Variants in AP2A2 observed in about 807,000 individuals in gnomAD.
AP2A2 encodes the protein adaptor related protein complex 2 subunit alpha 2, also known as AP-2 complex subunit alpha-2.
Under a neutral mutation model 104.2 loss-of-function variants are expected in AP2A2, and 32 were observed. The ratio of observed to expected loss-of-function variants is 0.31; its 90% CI spans 0.23 to 0.41. The LOEUF (loss-of-function observed/expected upper bound fraction) is 0.41. Ranked by LOEUF, AP2A2 falls within the 10% of genes least tolerant of loss-of-function variation. The pLI, the probability that AP2A2 is intolerant of heterozygous loss-of-function variation, is 1.00. For synonymous variants in AP2A2, 539 were observed against 533.3 expected (o/e 1.01, Z -0.15); for missense variants, 912 against 1,261.0 (o/e 0.72, Z 4.19).
At position 970,275 on chromosome 11, in the gene AP2A2, C is replaced by T. The variant is rs1461757343; in HGVS notation, c.243C>T (p.Asn81=). 6.2e-7 allele frequency: 1 copy of T among 1,613,842 alleles called. No homozygotes were observed. The highest frequency in any genetic ancestry group is 8.5e-7 in the Non-Finnish European group (1 of 1,179,852). Residue 81 remains asparagine, a synonymous_variant, in exon 3 of 22, where the codon AAC becomes AAT. Transcript: ENST00000448903. ...DIDFGHMEAV[N]LLSSNRYTEK... ...ACTTTGGACACATGGAGGCTGTGAA[C>T]CTGCTGAGTTCAAACAGATACACGG... is the stretch of plus-strand genomic sequence containing the variant.
intron 1 of AP2A2, among the ~76,000 whole-genome samples, chr11:958,703 T>C (rs1854321480): frequency 6.6e-6 from 1 of 152,122 alleles, no homozygotes; most frequent in Non-Finnish European, 1.5e-5. Context: ...GGACTTCTCT[T>C]GTAGGAGTGC....
intron 6 of AP2A2, among the ~76,000 whole-genome samples, chr11:983,526 G>A (rs891319232): frequency 2.0e-5 from 3 of 151,974 alleles, no homozygotes; most frequent in Non-Finnish European, 2.9e-5. Flanking sequence ...GGGACTACAG[G>A]CGCCCGCCAC....
Position 993,473 on chromosome 11 carries a change from G to A in AP2A2, c.1550+92G>A, listed in dbSNP as rs1160821897. ...AGGCGAGGCACCAGCTGGCCCTGCC[G>A]TGAGGCCTCGCAGAGCCGCTTCTGC... On this transcript the variant is annotated intron_variant, in intron 12 of 21. Transcript: ENST00000448903. The surrounding 1 kb of genome is among the most constrained non-coding windows in gnomAD (Gnocchi z 8.2). 1.1e-5 allele frequency: 11 copies of A among 1,010,568 alleles called. No individual in the cohort carries two copies. Among genetic ancestry groups the A allele is most frequent in the South Asian group, 1.7e-5 (1 of 58,908 alleles). The allele number at this position is 1,010,568 out of a possible 1,614,324, so 62.6% of individuals were successfully genotyped here.
intron 1 of AP2A2, among the ~76,000 whole-genome samples, chr11:944,526 A>C (rs1332158140): frequency 6.6e-6 from 1 of 152,204 alleles, no homozygotes; most frequent in Non-Finnish European, 1.5e-5. Flanking sequence ...GAGAAATATC[A>C]TTCTAGTGGA....
chr11:960,954 C>T (rs931059075), intron 2 of AP2A2, among the ~76,000 whole-genome samples: 8 of 152,260 alleles, frequency 5.3e-5, no homozygotes, highest in East Asian at 1.9e-4. Flanking sequence ...CCTCTGCGCC[C>T]GGTGTGCACC....
chr11:951,222 T>C (rs1275974452), intron 1 of AP2A2, among the ~76,000 whole-genome samples: 1 of 152,038 alleles, frequency 6.6e-6, no homozygotes, highest in Non-Finnish European at 1.5e-5. Flanking sequence ...GCATCACACT[T>C]ACCCAGATGG....
In AP2A2 at chr11:964,545, G is replaced by C. The variant is rs898792531; in HGVS notation, c.136+5040G>C. ...GGAATTAATTTGGGGCCCTGTTCCT[G>C]AATTGGTAGGCAGCCTGCATGTAAG... On this transcript the variant is annotated intron_variant, in intron 2 of 21. Coordinates refer to ENST00000448903, the MANE Select transcript of AP2A2 (RefSeq NM_012305.4). Among the ~76,000 whole-genome samples, 11 of 152,322 alleles carry C rather than the reference G, an allele frequency of 7.2e-5. No individual in the cohort carries two copies. The East Asian group carries it at 1.7e-3, about 24-fold the overall frequency.
At chr11:959,072 C>T (rs549164278) in intron 1 of AP2A2, among the ~76,000 whole-genome samples, 9 of 152,316 alleles carry the variant, frequency 5.9e-5, no homozygotes, top group South Asian at 4.1e-4. Flanking sequence ...TAGCGGATGA[C>T]GATTTATCAT....
In AP2A2 at chr11:1,010,870, A is replaced by G; in HGVS notation, c.*245A>G. 2 of 631,486 alleles carry G rather than the reference A, an allele frequency of 3.2e-6. No individual in the cohort carries two copies. The highest frequency in any genetic ancestry group is 3.7e-5 in the South Asian group (2 of 53,786). 39.1% of individuals were successfully genotyped at this position (631,486 alleles called of 1,614,324 possible). ...GGTGGATCTTGGGATCAATTTTTATAAAAATCGAGACAGTTCTGTGGTTAA... is the reference window on the plus strand; with the variant it reads ...GGTGGATCTTGGGATCAATTTTTATGAAAATCGAGACAGTTCTGTGGTTAA... On this transcript the variant is annotated 3_prime_UTR_variant, in exon 22 of 22. Transcript: ENST00000448903.
chr11:933,846 A>T (rs1853366755), intron 1 of AP2A2, among the ~76,000 whole-genome samples: 1 of 152,074 alleles, frequency 6.6e-6, no homozygotes, highest in African/African-American at 2.4e-5. Flanking sequence ...GCAGAGGGGA[A>T]CTTGTATCTT....
At chr11:972,298 G>C (rs760022895) in intron 4 of AP2A2, 43 bp downstream of exon 4, 3 of 1,508,486 alleles carry the variant, frequency 2.0e-6, no homozygotes, top group Non-Finnish European at 2.7e-6. Flanking sequence ...AAGATGTGCT[G>C]CTTTCATGCC....
At chr11:998,174 ACTCTT>A (rs1021900373) in intron 14 of AP2A2, among the ~76,000 whole-genome samples, 11 of 151,286 alleles carry the variant, frequency 7.3e-5, no homozygotes, top group Admixed American at 5.3e-4. Flanking sequence ...TATTTTTGGG[ACTCTT>A]CTCTGCCAGC....
intron 14 of AP2A2, among the ~76,000 whole-genome samples, chr11:997,568 C>G (rs566114134): frequency 1.3e-5 from 2 of 152,296 alleles, no homozygotes; most frequent in East Asian, 3.8e-4. Context: ...GGTACAAATG[C>G]CTTTACTAGG....
At chr11:1,005,873 T>G (rs796953387) in intron 16 of AP2A2, among the ~76,000 whole-genome samples, 4 of 152,372 alleles carry the variant, frequency 2.6e-5, no homozygotes, top group African/African-American at 9.6e-5. Context: ...CCAAACTGTT[T>G]ACTGTTTTCA....
At chr11:989,345 A>C (rs889059643) in intron 10 of AP2A2, among the ~76,000 whole-genome samples, 1 of 152,008 alleles carries the variant, frequency 6.6e-6, no homozygotes, top group Non-Finnish European at 1.5e-5. Flanking sequence ...AAAAAAAAAA[A>C]ACTAAAATGC....
chr11:983,605 G>T (rs189734031), intron 6 of AP2A2, among the ~76,000 whole-genome samples: 7 of 151,730 alleles, frequency 4.6e-5, no homozygotes, highest in South Asian at 2.1e-4. Flanking sequence ...GGATGGTCTC[G>T]ATCTCCTGAC....
intron 1 of AP2A2, among the ~76,000 whole-genome samples, chr11:957,186 G>A (rs1854264628): frequency 6.6e-6 from 1 of 152,258 alleles, no homozygotes; most frequent in South Asian, 2.1e-4. Context: ...CTAGTATGAA[G>A]GGTGCAGGTG....
At position 993,719 on chromosome 11, in the gene AP2A2, G is replaced by C; in HGVS notation, c.1551-35G>C. On this transcript the variant is annotated intron_variant, in intron 12 of 21. Coordinates refer to ENST00000448903, the MANE Select transcript of AP2A2 (RefSeq NM_012305.4). This position sits in a 1 kb window ranked among gnomAD's most constrained non-coding sequence, Gnocchi z 8.2. ...GGCGTGCTGCAGCCTGCGAGGGGAC[G>C]ACGGTGTCCCTGTGTTGTGCCTCCC... The C allele has an allele frequency of 6.6e-7, 1 of 1,514,666 alleles. No individual in the cohort carries two copies. The highest frequency in any genetic ancestry group is 8.9e-7 in the Non-Finnish European group (1 of 1,120,618). 93.8% of individuals were successfully genotyped at this position (1,514,666 alleles called of 1,614,324 possible).
At position 994,180 on chromosome 11, in the gene AP2A2, A is replaced by G; in HGVS notation, c.1891A>G (p.Lys631Glu). ...CACGGTGACAGACCTGGAGGACACC[A>G]AGCGGGACAGGAGTGTGGACGTGAA... ...PSTVTDLEDT[K>E]RDRSVDVNGG... Residue 631 changes from lysine (K) to glutamate (E), a missense_variant, in exon 14 of 22, where the codon AAG becomes GAG. This residue lies in a region of AP2A2 where 105 missense variants were observed against 90.9 expected (regional missense o/e 1.16). Transcript: ENST00000448903. 1 of 1,613,052 alleles carries G rather than the reference A, an allele frequency of 6.2e-7. No homozygotes were observed. Among genetic ancestry groups the G allele is most frequent in the Non-Finnish European group, 8.5e-7 (1 of 1,179,854 alleles).
Sources: allele counts gnomAD v4.1 joint callset (sites outside exome capture counted in the v4.1 genomes callset), GRCh38; gene constraint gnomAD v4.1.1; regional missense constraint gnomAD v4.1.1; non-coding constraint Gnocchi (gnomAD v3.1); transcripts MANE v1.5; gene names NCBI Gene and HGNC (gene_info 2026-07-23, HGNC 2026-07-21).